Variants in ARHGEF9 observed in about 807,000 individuals in gnomAD.
ARHGEF9 encodes the protein Cdc42 guanine nucleotide exchange factor 9.
Under a neutral mutation model 41.3 loss-of-function variants are expected in ARHGEF9, and 2 were observed. The ratio of observed to expected loss-of-function variants is 0.05; its 90% CI spans 0.02 to 0.15. The LOEUF (loss-of-function observed/expected upper bound fraction) is 0.15, where lower values mean the gene tolerates loss of function less well. ARHGEF9 is among the 10% of genes least tolerant of loss of function. The probability of loss-of-function intolerance (pLI) is 1.00; values close to 1 mark genes in which losing one functional copy is unlikely to be tolerated. For synonymous variants in ARHGEF9, 160 were observed against 154.4 expected (o/e 1.04, Z -0.27); for missense variants, 225 against 424.7 (o/e 0.53, Z 4.13).
At chrX:63,740,195 C>T (rs781808406) in intron 1 of ARHGEF9, among the ~76,000 whole-genome samples, 1 of 112,122 alleles carries the variant, frequency 8.9e-6, no homozygotes, top group Non-Finnish European at 1.9e-5. Context: ...TACATGACCA[C>T]CTAAATGCTG....
At chrX:63,666,431 CAT>C (rs1472221357) in intron 6 of ARHGEF9, among the ~76,000 whole-genome samples, 12 of 76,137 alleles carry the variant, frequency 1.6e-4, no homozygotes, top group South Asian at 8.7e-4. Context: ...CACACACACA[CAT>C]ACACACATAT....
At chrX:63,663,126 C>T (rs1461614457) in intron 7 of ARHGEF9, among the ~76,000 whole-genome samples, 2 of 111,603 alleles carry the variant, frequency 1.8e-5, no homozygotes, top group Non-Finnish European at 3.8e-5. Flanking sequence ...ACCTCAGATC[C>T]TTTGGGCTTC....
At chrX:63,685,235 C>T (rs1337387475) in intron 4 of ARHGEF9, among the ~76,000 whole-genome samples, 1 of 111,129 alleles carries the variant, frequency 9.0e-6, no homozygotes, top group Non-Finnish European at 1.9e-5. Flanking sequence ...AAATTTATAC[C>T]TTAAATATTT....
At chrX:63,685,547 T>C (rs2050931010) in intron 4 of ARHGEF9, among the ~76,000 whole-genome samples, 1 of 112,122 alleles carries the variant, frequency 8.9e-6, no homozygotes, top group Non-Finnish European at 1.9e-5. Flanking sequence ...GGAGGAGTTA[T>C]GCTATCTGAT....
intron 1 of ARHGEF9, chrX:63,755,125 C>G: frequency 1.1e-6 from 1 of 938,884 alleles, no homozygotes; most frequent in African/African-American, 2.0e-5. Context: ...CTCCCCATCC[C>G]CCGCTCAGCC....
At chrX:63,652,882 C>G (rs1270548101) in intron 8 of ARHGEF9, among the ~76,000 whole-genome samples, 1 of 110,519 alleles carries the variant, frequency 9.0e-6, no homozygotes, top group African/African-American at 3.3e-5. Flanking sequence ...CTCACGAGAT[C>G]TGATGGTTTA....
chrX:63,668,267 G>C (rs1556351220), intron 6 of ARHGEF9, among the ~76,000 whole-genome samples: 1 of 110,535 alleles, frequency 9.0e-6, no homozygotes, highest in Non-Finnish European at 1.9e-5. Flanking sequence ...CCAAGTAGCT[G>C]GCATTACAGG....
intron 1 of ARHGEF9, among the ~76,000 whole-genome samples, chrX:63,778,980 C>A (rs1369204478): frequency 4.5e-5 from 5 of 112,088 alleles, no homozygotes; most frequent in Admixed American, 9.5e-5. Flanking sequence ...TAAAAAGGCA[C>A]TTTATCCCCA....
chrX:63,746,334 C>G (rs1214497066), intron 1 of ARHGEF9, among the ~76,000 whole-genome samples: 2 of 111,938 alleles, frequency 1.8e-5, no homozygotes, highest in East Asian at 5.6e-4. Flanking sequence ...CTCTCTAAAC[C>G]TTTTTTCTTC....
chrX:63,769,225 G>C (rs2056162503), intron 1 of ARHGEF9, among the ~76,000 whole-genome samples: 2 of 110,983 alleles, frequency 1.8e-5, no homozygotes, highest in Non-Finnish European at 3.8e-5. Flanking sequence ...GGTAACTCTT[G>C]TTATGTTTTA....
rs141815718 is a variant in ARHGEF9 at position 63,644,040 on chromosome X, T to C, written c.1330A>G (p.Ile444Val). 38 of 1,207,012 alleles carry C rather than the reference T, an allele frequency of 3.1e-5. No homozygotes were observed. In the African/African-American group the frequency reaches 5.4e-4, roughly 17 times the overall value. ...VQEDEKIGFE[I>V]SENQKRQAAM... ...GCCTGCCTCTTCTGGTTTTCAGAAA[T>C]TTCAAAGCCTAAAAAAGAAAAATAT... is the stretch of plus-strand genomic sequence containing the variant. The change falls in exon 9 of 10, where the codon ATT becomes GTT. Residue 444 changes from isoleucine (I) to valine (V), a missense_variant. Around this residue, in one of 3 missense-constraint regions of ARHGEF9, gnomAD observed 75 missense variants for 113.2 expected, o/e 0.66. Transcript: ENST00000671741.
rs781874437 is a variant in ARHGEF9 at position 63,635,288 on chromosome X, G to A, written c.*2740C>T. ...TTAGAAATATACACATAGAGAGGGGGGGAAAAAGAGAGAATAATTAGATGT... is the reference window on the plus strand; with the variant it reads ...TTAGAAATATACACATAGAGAGGGGAGGAAAAAGAGAGAATAATTAGATGT... On this transcript the variant is annotated 3_prime_UTR_variant, in exon 10 of 10. Coordinates refer to ENST00000671741, the MANE Select transcript of ARHGEF9 (RefSeq NM_001353921.2). 1 of 515,973 alleles carries A rather than the reference G, an allele frequency of 1.9e-6. No individual in the cohort carries two copies. 42.5% of individuals were successfully genotyped at this position (515,973 alleles called of 1,213,427 possible).
At chrX:63,680,407 C>CA (rs1464254157) in intron 4 of ARHGEF9, among the ~76,000 whole-genome samples, 1 of 112,249 alleles carries the variant, frequency 8.9e-6, no homozygotes, top group African/African-American at 3.2e-5. Flanking sequence ...GTCCTACATA[C>CA]AGGGAGGAGA....
At chrX:63,688,224 A>G (rs1393632577) in intron 4 of ARHGEF9, among the ~76,000 whole-genome samples, 1 of 110,861 alleles carries the variant, frequency 9.0e-6, no homozygotes. Flanking sequence ...AAAGTACTGA[A>G]TGAAAAAAAC....
chrX:63,737,943 T>C (rs1481340832), intron 1 of ARHGEF9, among the ~76,000 whole-genome samples: 2 of 112,281 alleles, frequency 1.8e-5, no homozygotes, highest in Non-Finnish European at 3.8e-5. Flanking sequence ...TTATTGAATG[T>C]TTACTATGTG....
At chrX:63,778,558 T>C (rs2056331136) in intron 1 of ARHGEF9, among the ~76,000 whole-genome samples, 1 of 112,691 alleles carries the variant, frequency 8.9e-6, no homozygotes, top group African/African-American at 3.2e-5. Context: ...TTCTATTGCA[T>C]GGCCAGGGTT....
At chrX:63,752,002 TC>T (rs2055668689) in intron 1 of ARHGEF9, among the ~76,000 whole-genome samples, 1 of 111,549 alleles carries the variant, frequency 9.0e-6, no homozygotes, top group Non-Finnish European at 1.9e-5. Context: ...AGACCCCTTC[TC>T]CCCTTGGGGG....
intron 1 of ARHGEF9, among the ~76,000 whole-genome samples, chrX:63,740,633 T>C (rs1286317319): frequency 9.0e-6 from 1 of 111,463 alleles, no homozygotes; most frequent in Non-Finnish European, 1.9e-5. Flanking sequence ...AGCTGAGAAA[T>C]GGGCATGAGG....
chrX:63,756,575 T>C (rs1556447256), intron 1 of ARHGEF9, among the ~76,000 whole-genome samples: 1 of 112,427 alleles, frequency 8.9e-6, no homozygotes, highest in East Asian at 2.8e-4. Context: ...GAAAAAGGCT[T>C]TTGTAAGATT....
Sources: gnomAD v4.1 joint callset for allele counts (sites outside exome capture counted in the v4.1 genomes callset) on GRCh38, gnomAD v4.1.1 for gene constraint, gnomAD v4.1.1 regional missense constraint, MANE v1.5 for transcripts, NCBI Gene and HGNC (gene_info 2026-07-23, HGNC 2026-07-21) for gene names.